KLC2: variants seen among roughly 807,000 people sequenced by gnomAD.
KLC2 encodes KLC 2.
A neutral mutation model predicts 75.1 loss-of-function variants in KLC2; 35 were observed. The ratio of observed to expected loss-of-function variants is 0.47; its 90% CI spans 0.36 to 0.62. KLC2 has a LOEUF of 0.62. KLC2 is among the 20% of genes least tolerant of loss of function. The pLI, the probability that KLC2 is intolerant of heterozygous loss-of-function variation, is 0.00. For synonymous variants in KLC2, 314 were observed against 336.7 expected, an observed-to-expected ratio of 0.93 and a Z score of 0.74; for missense variants, 611 against 833.2, an observed-to-expected ratio of 0.73 and a Z score of 3.28.
rs1856906816 is a variant in KLC2 at position 66,267,355 on chromosome 11, T to C, written c.*399T>C. ...TGCTTCTGTATATAGAGAAATAAGT[T>C]ATTGGCCGCGCGCCTCCCTTCAGTC... On this transcript the variant is annotated 3_prime_UTR_variant, in exon 16 of 16. Transcript: ENST00000394067. The C allele has an allele frequency of 1.4e-6, 1 of 737,678 alleles. No homozygotes were observed. The highest frequency in any genetic ancestry group is 1.5e-5 in the South Asian group (1 of 67,962). The allele number at this position is 737,678 out of a possible 1,614,324, so 45.7% of individuals were successfully genotyped here. A position where few individuals can be genotyped will look rare whatever the true frequency, so the allele number is the denominator to read the frequency against.
upstream of KLC2, among the ~76,000 whole-genome samples, chr11:66,253,793 C>T (rs899461573): frequency 6.6e-6 from 1 of 152,224 alleles, no homozygotes; most frequent in Non-Finnish European, 1.5e-5. Flanking sequence ...AGCCTTCCCC[C>T]ACCAGCACAC....
the KLC2 span, among the ~76,000 whole-genome samples, chr11:66,246,603 C>G: frequency 6.6e-6 from 1 of 152,174 alleles, no homozygotes; most frequent in East Asian, 1.9e-4. Flanking sequence ...GGGTATAGCT[C>G]AATATCAAAG....
At chr11:66,252,325 C>G (rs960471845), upstream of KLC2, among the ~76,000 whole-genome samples, 89 of 152,198 alleles carry the variant, frequency 5.8e-4, no homozygotes, top group Middle Eastern at 3.4e-3. Context: ...TCGCTCTGTC[C>G]CCCAGGCTGG....
chr11:66,250,453 C>T, the KLC2 span, among the ~76,000 whole-genome samples: 1 of 152,126 alleles, frequency 6.6e-6, no homozygotes, highest in African/African-American at 2.4e-5. Context: ...TCTCAGGGCC[C>T]TACTCAGATC....
Position 66,267,598 on chromosome 11 carries a change from G to A in KLC2, c.*642G>A, listed in dbSNP as rs970385382. ...GGCCCAGGACGGGGACCTCCCCTTA[G>A]TCCGTCCTCCCACCGCCGGGCCCTG... is the stretch of plus-strand genomic sequence containing the variant. On this transcript the variant is annotated 3_prime_UTR_variant, in exon 16 of 16. Transcript: ENST00000394067. 3.3e-6 allele frequency: 2 copies of A among 606,822 alleles called. No homozygotes were observed. The highest frequency in any genetic ancestry group is 4.4e-4 in the Middle Eastern group (1 of 2,294). The allele number at this position is 606,822 out of a possible 1,614,324, so 37.6% of individuals were successfully genotyped here. A position where few individuals can be genotyped will look rare whatever the true frequency, so the allele number is the denominator to read the frequency against.
chr11:66,254,094 C>A (rs932296981), upstream of KLC2, among the ~76,000 whole-genome samples: 1 of 152,046 alleles, frequency 6.6e-6, no homozygotes, highest in Non-Finnish European at 1.5e-5. Context: ...TGGTGGCAGG[C>A]GCCTGTAATC....
chr11:66,258,727 C>A lies in KLC2; in HGVS notation c.133C>A (p.Pro45Thr). ...HRALLAPLVA[P>T]EAGEAEPGSQ... ...TGCCCTGCTGGCTCCTCTGGTTGCA[C>A]CTGAGGCCGGCGAAGCCGAGCCTGG... Residue 45 changes from proline (P) to threonine (T), a missense_variant, in exon 2 of 16, where the codon CCT becomes ACT. Physicochemically the swap from Pro to Thr is conservative, Grantham distance 38. Coordinates refer to ENST00000394067, the MANE Select transcript of KLC2 (RefSeq NM_001318734.2). 6.2e-7 allele frequency: 1 copy of A among 1,613,538 alleles called. No individual in the cohort carries two copies. The highest frequency in any genetic ancestry group is 8.5e-7 in the Non-Finnish European group (1 of 1,180,012).
At chr11:66,250,076 C>T in the KLC2 span, among the ~76,000 whole-genome samples, 1 of 152,132 alleles carries the variant, frequency 6.6e-6, no homozygotes, top group Non-Finnish European at 1.5e-5. Flanking sequence ...TTTCAGTGCT[C>T]ACATCCCTCT....
intron 9 of KLC2, chr11:66,264,686 C>A (rs1382886729): frequency 1.0e-5 from 6 of 586,870 alleles, no homozygotes; most frequent in African/African-American, 7.5e-5. Flanking sequence ...CCCTTCTCCA[C>A]TGGCGATTCT....
chr11:66,260,638 C>T lies in KLC2; in HGVS notation c.229-1104C>T, dbSNP rs555481432. Among the ~76,000 whole-genome samples the T allele has an allele frequency of 3.3e-5, 5 of 152,122 alleles. 1 individual carries two copies. In the South Asian group the frequency reaches 1.0e-3, roughly 32 times the overall value. On this transcript the variant is annotated intron_variant, in intron 2 of 15. Transcript: ENST00000394067. ...TTTTGAGACAGTCTTGCTCTGTTGC[C>T]CAGGCTGGAGTATAGTGGCACGATC...
At chr11:66,259,766 C>T (rs1433065095) in intron 2 of KLC2, 2 of 152,100 alleles carry the variant, frequency 1.3e-5, no homozygotes, top group Non-Finnish European at 2.9e-5. Flanking sequence ...AGAGCTGGTG[C>T]TTGGAATTAA....
chr11:66,254,775 A>C (rs567582036), upstream of KLC2, among the ~76,000 whole-genome samples: 1 of 151,796 alleles, frequency 6.6e-6, no homozygotes, highest in East Asian at 1.9e-4. Flanking sequence ...AAAACACAAA[A>C]ATTAGCCAGT....
Position 66,265,030 on chromosome 11 carries a change from C to T in KLC2, c.1224C>T (p.Asn408=). Residue 408 remains asparagine, a synonymous_variant, in exon 10 of 16, where the codon AAC becomes AAT. Coordinates refer to ENST00000394067, the MANE Select transcript of KLC2 (RefSeq NM_001318734.2). ...TCCCCTTTCTCTCCCCAGGGGACAA[C>T]AAGCCCATCTGGATGCACGCAGAGG... is the stretch of plus-strand genomic sequence containing the variant. ...EKEFGSVNGD[N]KPIWMHAEER... is the part of the protein sequence containing the mutation. The T allele has an allele frequency of 1.2e-6, 2 of 1,613,344 alleles. No homozygotes were observed. The highest frequency in any genetic ancestry group is 1.7e-6 in the Non-Finnish European group (2 of 1,179,514).
In KLC2 at chr11:66,265,203, C is replaced by T. The variant is rs368854567; in HGVS notation, c.1302C>T (p.Tyr434=). ...GGGACAGCGCCCCCTATGGGGAATACGGCAGCTGGTACAAGGCCTGTAAAG... is the reference window on the plus strand; with the variant it reads ...GGGACAGCGCCCCCTATGGGGAATATGGCAGCTGGTACAAGGCCTGTAAAG... ...KRRDSAPYGE[Y]GSWYKACKVD... Residue 434 remains tyrosine (Y), a synonymous_variant, in exon 11 of 16, where the codon TAC becomes TAT. Coordinates refer to ENST00000394067, the MANE Select transcript of KLC2 (RefSeq NM_001318734.2). 2.3e-5 allele frequency: 34 copies of T among 1,451,090 alleles called. No homozygotes were observed. Among genetic ancestry groups the T allele is most frequent in the Non-Finnish European group, 2.9e-5 (31 of 1,076,366 alleles). 89.9% of individuals were successfully genotyped at this position (1,451,090 alleles called of 1,614,324 possible).
At chr11:66,265,258 G>A in intron 11 of KLC2, 23 bp downstream of exon 11, 1 of 1,586,630 alleles carries the variant, frequency 6.3e-7, no homozygotes, top group Non-Finnish European at 8.7e-7. Flanking sequence ...GGGCTGGGCT[G>A]GGGAGCAGGG....
Position 66,267,292 on chromosome 11 carries a change from C to A in KLC2, c.*336C>A, listed in dbSNP as rs1025864027. The A allele has an allele frequency of 7.8e-6, 8 of 1,025,098 alleles. No individual in the cohort carries two copies. The Admixed American group carries it at 7.9e-5, about 10-fold the overall frequency. 63.5% of individuals were successfully genotyped at this position (1,025,098 alleles called of 1,614,324 possible). ...GAACACTAAGCACTCGCCGGCCCTT[C>A]GGCACCCTCGCCCTCCCTCCCGACT... On this transcript the variant is annotated 3_prime_UTR_variant, in exon 16 of 16. Transcript: ENST00000394067.
chr11:66,254,831 A>G (rs529604898), upstream of KLC2, among the ~76,000 whole-genome samples: 1 of 152,014 alleles, frequency 6.6e-6, no homozygotes, highest in Non-Finnish European at 1.5e-5. Flanking sequence ...AGGCTGAGGC[A>G]GAAGAATCGC....
chr11:66,265,241 T>TGGGGGG lies in KLC2; in HGVS notation c.1334+10_1334+11insGGGGGG. 9.9e-7 allele frequency: 1 copy of TGGGGGG among 1,013,512 alleles called. No homozygotes were observed. Among genetic ancestry groups the TGGGGGG allele is most frequent in the Non-Finnish European group, 1.5e-6 (1 of 664,646 alleles). The allele number at this position is 1,013,512 out of a possible 1,614,324, so 62.8% of individuals were successfully genotyped here. ...AAGGCCTGTAAAGTAGACAGGTGAG[T>TGGGGGG]GGGGCGGGGCTGGGCTGGGGAGCAG... On this transcript the variant is annotated splice_region_variant and intron_variant, in intron 11 of 15. Transcript: ENST00000394067.
the KLC2 span, among the ~76,000 whole-genome samples, chr11:66,252,279 TTTTG>T: frequency 4.6e-5 from 7 of 151,866 alleles, no homozygotes; most frequent in Admixed American, 6.5e-5. Flanking sequence ...TTTATGCCTT[TTTTG>T]TTTGTTTGTT....
Sources: allele counts gnomAD v4.1 joint callset (sites outside exome capture counted in the v4.1 genomes callset), GRCh38; gene constraint gnomAD v4.1.1; transcripts MANE v1.5; gene names NCBI Gene and HGNC (gene_info 2026-07-23, HGNC 2026-07-21).